The following PEX5L variants were observed in gnomAD, a reference collection of about 807,000 sequenced individuals.
PEX5L encodes the protein peroxisomal biogenesis factor 5 like.
PEX5L carries 30 observed loss-of-function variants against 84.0 expected under a neutral mutation model. The ratio of observed to expected loss-of-function variants is 0.36; its 90% CI spans 0.27 to 0.48. PEX5L has a LOEUF of 0.48. Among genes scored for constraint, PEX5L ranks in the 20% least tolerant of loss-of-function variants. The pLI is 0.99. For synonymous variants in PEX5L, 270 were observed against 283.1 expected, an observed-to-expected ratio of 0.95 and a Z score of 0.46; for missense variants, 533 against 754.6, an observed-to-expected ratio of 0.71 and a Z score of 3.44.
chr3:179,966,644 T>C (rs1400041239), intron 2 of PEX5L, among the ~76,000 whole-genome samples: 1 of 152,178 alleles, frequency 6.6e-6, no homozygotes, highest in Non-Finnish European at 1.5e-5. Context: ...TTGGCCTATA[T>C]TTTCCTCTTG....
chr3:179,928,565 G>T (rs780156541), intron 2 of PEX5L, among the ~76,000 whole-genome samples: 1 of 152,160 alleles, frequency 6.6e-6, no homozygotes, highest in Non-Finnish European at 1.5e-5. Flanking sequence ...AAACAGTTGT[G>T]TATCTGAGTT....
chr3:179,976,155 A>C (rs1785761309), intron 1 of PEX5L, among the ~76,000 whole-genome samples: 1 of 152,250 alleles, frequency 6.6e-6, no homozygotes, highest in Non-Finnish European at 1.5e-5. Context: ...AACTCAGTAA[A>C]TGATGAGGAA....
At chr3:179,930,507 G>GAATA (rs1772779845) in intron 2 of PEX5L, among the ~76,000 whole-genome samples, 1 of 152,186 alleles carries the variant, frequency 6.6e-6, no homozygotes, top group Non-Finnish European at 1.5e-5. Flanking sequence ...GGTGCTCCAT[G>GAATA]AATATGGTGC....
chr3:179,993,799 G>A (rs1198154922), intron 1 of PEX5L, among the ~76,000 whole-genome samples: 3 of 152,038 alleles, frequency 2.0e-5, no homozygotes, highest in Non-Finnish European at 2.9e-5. Flanking sequence ...CACCGCATCC[G>A]GCTTTCCCAT....
At chr3:179,827,654 G>C (rs527923219) in intron 8 of PEX5L, among the ~76,000 whole-genome samples, 13 of 152,310 alleles carry the variant, frequency 8.5e-5, no homozygotes, top group African/African-American at 2.6e-4. Flanking sequence ...GGACTGGAGT[G>C]GGGGAGGAAG....
At chr3:179,858,780 C>T (rs1262562475) in intron 8 of PEX5L, among the ~76,000 whole-genome samples, 1 of 152,192 alleles carries the variant, frequency 6.6e-6, no homozygotes, top group African/African-American at 2.4e-5. Flanking sequence ...ACTCAGAGTT[C>T]TTTCTGACCC....
intron 1 of PEX5L, among the ~76,000 whole-genome samples, chr3:179,976,991 T>A (rs1252958396): frequency 6.6e-6 from 1 of 152,180 alleles, no homozygotes; most frequent in Admixed American, 6.5e-5. Flanking sequence ...AGAAACTGGT[T>A]CTCTTTTAAA....
At chr3:179,977,748 A>C (rs1785946246) in intron 1 of PEX5L, among the ~76,000 whole-genome samples, 1 of 152,184 alleles carries the variant, frequency 6.6e-6, no homozygotes, top group African/African-American at 2.4e-5. Context: ...TATGGGGGAG[A>C]TCAATTTTCT....
intron 2 of PEX5L, among the ~76,000 whole-genome samples, chr3:179,966,852 A>G (rs1783462417): frequency 6.6e-6 from 1 of 152,156 alleles, no homozygotes; most frequent in African/African-American, 2.4e-5. Flanking sequence ...AAAAGGCTGT[A>G]AGCTAAGATG....
At chr3:179,994,269 T>C (rs889658584) in intron 1 of PEX5L, among the ~76,000 whole-genome samples, 8 of 152,346 alleles carry the variant, frequency 5.3e-5, no homozygotes, top group Non-Finnish European at 1.2e-4. Flanking sequence ...TTTAAGCTGC[T>C]ACATTTTTGG....
intron 1 of PEX5L, among the ~76,000 whole-genome samples, chr3:180,032,150 T>C (rs909049884): frequency 6.6e-6 from 1 of 152,248 alleles, no homozygotes; most frequent in Non-Finnish European, 1.5e-5. Flanking sequence ...TGCATGTGAA[T>C]ATACAGGAAG....
In PEX5L at chr3:180,036,767, G is replaced by T. The variant is rs556325256; in HGVS notation, c.-168C>A. 1.1e-4 allele frequency: 79 copies of T among 698,256 alleles called. No individual in the cohort carries two copies. The highest frequency in any genetic ancestry group is 1.7e-4 in the Non-Finnish European group (65 of 384,280). The allele number at this position is 698,256 out of a possible 1,614,324, so 43.3% of individuals were successfully genotyped here. ...GGCCGGCCGGCGGCCACTCGGCAGC[G>T]CTGCGGGCTGCCGGGAACTGTTCTC... On this transcript the variant is annotated 5_prime_UTR_variant, in exon 1 of 15. Transcript: ENST00000467460.
chr3:179,907,074 G>C (rs1763474872), intron 2 of PEX5L, among the ~76,000 whole-genome samples: 1 of 152,130 alleles, frequency 6.6e-6, no homozygotes, highest in Non-Finnish European at 1.5e-5. Context: ...AAGATTCCCT[G>C]CAGGTAAATA....
intron 8 of PEX5L, among the ~76,000 whole-genome samples, chr3:179,851,690 G>T (rs950770470): frequency 1.3e-5 from 2 of 152,198 alleles, no homozygotes; most frequent in Non-Finnish European, 2.9e-5. Flanking sequence ...AGGTTAGAAA[G>T]CTGCTTTCAA....
chr3:179,854,306 G>GT (rs1743077435), intron 8 of PEX5L, among the ~76,000 whole-genome samples: 1 of 152,044 alleles, frequency 6.6e-6, no homozygotes, highest in East Asian at 2.0e-4. Context: ...TGTTCATGTG[G>GT]TTTTAGTTGT....
At chr3:179,917,079 T>C (rs989553457) in intron 2 of PEX5L, among the ~76,000 whole-genome samples, 1 of 151,784 alleles carries the variant, frequency 6.6e-6, no homozygotes, top group South Asian at 2.1e-4. Flanking sequence ...TATAAGGTTT[T>C]TTCTATTTTT....
intron 2 of PEX5L, among the ~76,000 whole-genome samples, chr3:179,922,836 T>G (rs1367934907): frequency 1.8e-4 from 28 of 152,234 alleles, no homozygotes; most frequent in Admixed American, 1.8e-3. Context: ...CAGAATGTTA[T>G]TCAACTAATT....
intron 2 of PEX5L, among the ~76,000 whole-genome samples, chr3:179,941,864 T>C (rs993038261): frequency 1.3e-5 from 2 of 151,570 alleles, no homozygotes; most frequent in African/African-American, 2.4e-5. Context: ...CTACTAAAAA[T>C]ACAAAAACTA....
At chr3:179,838,394 C>T (rs775683321) in intron 8 of PEX5L, among the ~76,000 whole-genome samples, 1 of 152,154 alleles carries the variant, frequency 6.6e-6, no homozygotes, top group Non-Finnish European at 1.5e-5. Context: ...CATTCAATTT[C>T]AAGAGTATTA....
Sources: gnomAD v4.1 joint callset for allele counts (sites outside exome capture counted in the v4.1 genomes callset) on GRCh38, gnomAD v4.1.1 for gene constraint, MANE v1.5 for transcripts, NCBI Gene and HGNC (gene_info 2026-07-23, HGNC 2026-07-21) for gene names.